The following KDM4A variants were observed in gnomAD, a reference collection of about 807,000 sequenced individuals.
KDM4A encodes lysine-specific demethylase 4A.
KDM4A carries 23 observed loss-of-function variants against 127.1 expected under a neutral mutation model. The ratio of observed to expected loss-of-function variants is 0.18; its 90% CI spans 0.13 to 0.26. The LOEUF (loss-of-function observed/expected upper bound fraction) is 0.26, where lower values mean the gene tolerates loss of function less well. Among genes scored for constraint, KDM4A ranks in the 10% least tolerant of loss-of-function variants. KDM4A has a pLI of 1.00. For synonymous variants in KDM4A, 443 were observed against 466.5 expected, an observed-to-expected ratio of 0.95 and a Z score of 0.65; for missense variants, 890 against 1,329.1, an observed-to-expected ratio of 0.67 and a Z score of 5.14.
chr1:43,673,561 A>T (rs922708370), intron 11 of KDM4A, among the ~76,000 whole-genome samples: 1 of 151,990 alleles, frequency 6.6e-6, no homozygotes, highest in East Asian at 1.9e-4. Flanking sequence ...TCTGAATCTC[A>T]GGGTACGGTT....
chr1:43,674,516 CT>C (rs35692956), intron 11 of KDM4A, among the ~76,000 whole-genome samples: 124 of 145,450 alleles, frequency 8.5e-4, no homozygotes, highest in Admixed American at 1.0e-3. Context: ...GGCCCTGCTA[CT>C]TTTTTTTTTT....
chr1:43,686,055 C>T (rs1336930829), intron 12 of KDM4A, among the ~76,000 whole-genome samples: 6 of 151,834 alleles, frequency 4.0e-5, no homozygotes, highest in African/African-American at 1.5e-4. Flanking sequence ...CCTGGCTTTT[C>T]TCTAGTCAGA....
In KDM4A at chr1:43,653,209, G is replaced by T; in HGVS notation, c.34G>T (p.Ala12Ser). 6.2e-7 allele frequency: 1 copy of T among 1,613,762 alleles called. No homozygotes were observed. The highest frequency in any genetic ancestry group is 8.5e-7 in the Non-Finnish European group (1 of 1,179,762). Residue 12 changes from alanine (A) to serine (S), a missense_variant, in exon 2 of 22, where the codon GCT becomes TCT. Transcript: ENST00000372396. ...TGAGTCTGAAACTCTGAATCCCAGT[G>T]CTAGGATAATGACCTTTTATCCAAC... ...ASESETLNPS[A>S]RIMTFYPTME...
At chr1:43,653,035 C>A in intron 1 of KDM4A, 102 bp from the exon 2 acceptor site, 1 of 639,570 alleles carries the variant, frequency 1.6e-6, no homozygotes, top group Non-Finnish European at 2.4e-6. Flanking sequence ...TTAACTGTGT[C>A]TTTTGAATTT....
chr1:43,664,732 A>G (rs963747019), intron 5 of KDM4A, among the ~76,000 whole-genome samples: 3 of 152,148 alleles, frequency 2.0e-5, no homozygotes, highest in Non-Finnish European at 4.4e-5. Context: ...GGATGTGTAA[A>G]TGTAGCTTTT....
In KDM4A at chr1:43,693,903, T is replaced by C. The variant is rs1338545534; in HGVS notation, c.2376-91T>C. 4 of 976,360 alleles carry C rather than the reference T, an allele frequency of 4.1e-6. No homozygotes were observed. The highest frequency in any genetic ancestry group is 6.4e-6 in the Non-Finnish European group (4 of 625,634). 60.5% of individuals were successfully genotyped at this position (976,360 alleles called of 1,614,324 possible). On this transcript the variant is annotated intron_variant, in intron 16 of 21. Transcript: ENST00000372396. The surrounding 1 kb of genome is among the most constrained non-coding windows in gnomAD (Gnocchi z 4.2). ...TGGTGGAAGTCAGTGGTCACCCAGGTGAGGGAGGAAGCGCTGTCAGCAGGC... is the reference window on the plus strand; with the variant it reads ...TGGTGGAAGTCAGTGGTCACCCAGGCGAGGGAGGAAGCGCTGTCAGCAGGC...
intron 19 of KDM4A, 99 bp from the exon 20 acceptor site, chr1:43,703,518 A>G: frequency 1.4e-6 from 2 of 1,467,078 alleles, no homozygotes; most frequent in Non-Finnish European, 1.9e-6. Flanking sequence ...TCTCTAAAAC[A>G]GTTACTTTGT....
chr1:43,655,875 A>G (rs1660225169), intron 3 of KDM4A, 109 bp downstream of exon 3: 1 of 894,572 alleles, frequency 1.1e-6, no homozygotes, highest in Non-Finnish European at 1.6e-6. Context: ...CTTCAGCAGG[A>G]TGGCTCTGTT....
chr1:43,683,644 G>A, intron 11 of KDM4A, 40 bp from the exon 12 acceptor site: 1 of 1,600,934 alleles, frequency 6.2e-7, no homozygotes, highest in East Asian at 2.2e-5. Context: ...TGTGTCTCAA[G>A]TGGAGACAAG....
intron 19 of KDM4A, chr1:43,703,389 G>C (rs1199323670): frequency 2.3e-6 from 1 of 430,938 alleles, no homozygotes; most frequent in Non-Finnish European, 4.2e-6. Flanking sequence ...GTTTGTTATA[G>C]CTGGATTTTT....
intron 3 of KDM4A, among the ~76,000 whole-genome samples, chr1:43,659,563 C>T (rs1270885023): frequency 6.6e-6 from 1 of 152,104 alleles, no homozygotes; most frequent in Non-Finnish European, 1.5e-5. Context: ...AGGTGATCCG[C>T]CCCCGCCAGG....
intron 5 of KDM4A, among the ~76,000 whole-genome samples, chr1:43,664,221 G>A (rs867451489): frequency 6.6e-6 from 1 of 152,178 alleles, no homozygotes; most frequent in African/African-American, 2.4e-5. Flanking sequence ...GGGAGATTGA[G>A]GGAAGTGTAT....
At chr1:43,653,372 T>TC (rs1660164342) in intron 2 of KDM4A, 59 bp downstream of exon 2, 2 of 1,495,416 alleles carry the variant, frequency 1.3e-6, no homozygotes, top group Admixed American at 2.2e-5. Context: ...GTAAGATTTT[T>TC]TTCCTACATT....
chr1:43,687,428 A>G (rs922504916), intron 12 of KDM4A, among the ~76,000 whole-genome samples: 2 of 152,122 alleles, frequency 1.3e-5, no homozygotes, highest in African/African-American at 4.8e-5. Context: ...ATAGCTGGGG[A>G]CTGATGATGC....
intron 3 of KDM4A, among the ~76,000 whole-genome samples, chr1:43,659,463 C>T (rs1038586462): frequency 2.6e-5 from 4 of 152,122 alleles, no homozygotes; most frequent in African/African-American, 4.8e-5. Context: ...GGATTACAGG[C>T]GTGTGCCACC....
At position 43,683,788 on chromosome 1, in the gene KDM4A, G is replaced by A; in HGVS notation, c.1839G>A (p.Glu613=). 1 of 1,614,090 alleles carries A rather than the reference G, an allele frequency of 6.2e-7. No homozygotes were observed. Among genetic ancestry groups the A allele is most frequent in the Non-Finnish European group, 8.5e-7 (1 of 1,180,006 alleles). ...GCCATCACCCACTTGTGCTGCAGGAGTGTGTCAGTGATGATGGTAAGTGTT... is the reference window on the plus strand; with the variant it reads ...GCCATCACCCACTTGTGCTGCAGGAATGTGTCAGTGATGATGGTAAGTGTT... ...LPRHHPLVLQ[E]CVSDDETSEQ... is the part of the protein sequence containing the mutation. Residue 613 remains glutamate, a synonymous_variant, in exon 12 of 22, where the codon GAG becomes GAA. Transcript: ENST00000372396.
At chr1:43,700,926 A>ATT (rs60244309) in intron 19 of KDM4A, among the ~76,000 whole-genome samples, 46 of 143,136 alleles carry the variant, frequency 3.2e-4, no homozygotes, top group African/African-American at 1.1e-3. Context: ...TATAAATTTA[A>ATT]TTTTTTTTTT....
At chr1:43,673,671 C>G (rs2154047506) in intron 11 of KDM4A, among the ~76,000 whole-genome samples, 1 of 152,204 alleles carries the variant, frequency 6.6e-6, no homozygotes, top group African/African-American at 2.4e-5. Context: ...CTCATTGCCT[C>G]TGATTGCAGT....
At chr1:43,674,423 A>G (rs932002968) in intron 11 of KDM4A, among the ~76,000 whole-genome samples, 1 of 152,118 alleles carries the variant, frequency 6.6e-6, no homozygotes, top group East Asian at 1.9e-4. Context: ...ATGATACAAG[A>G]GTCAGGCATA....
Sources: allele counts gnomAD v4.1 joint callset (sites outside exome capture counted in the v4.1 genomes callset), GRCh38; gene constraint gnomAD v4.1.1; non-coding constraint Gnocchi (gnomAD v3.1); transcripts MANE v1.5; gene names NCBI Gene and HGNC (gene_info 2026-07-23, HGNC 2026-07-21).